GNB1: variants seen among roughly 807,000 people sequenced by gnomAD.
GNB1 encodes the protein guanine nucleotide-binding protein G(I)/G(S)/G(T) subunit beta-1.
In GNB1, 2 loss-of-function variants were observed where a neutral mutation model predicts 42.9. The ratio of observed to expected loss-of-function variants is 0.05; its 90% confidence interval spans 0.02 to 0.15. The LOEUF (loss-of-function observed/expected upper bound fraction) is 0.15, where lower values mean the gene tolerates loss of function less well. Ranked by LOEUF, GNB1 falls within the 10% of genes least tolerant of loss-of-function variation. GNB1 has a pLI of 1.00. For synonymous variants in GNB1, 183 were observed against 174.7 expected (o/e 1.05, Z -0.38); for missense variants, 193 against 462.2 (o/e 0.42, Z 5.34).
intron 6 of GNB1, among the ~76,000 whole-genome samples, chr1:1,805,146 A>G (rs904435461): frequency 2.2e-5 from 3 of 138,526 alleles, no homozygotes; most frequent in African/African-American, 8.4e-5. Context: ...TGGGCAACAG[A>G]GCGAGACTCC....
chr1:1,884,729 C>A (rs1186387681), intron 1 of GNB1, among the ~76,000 whole-genome samples: 3 of 151,474 alleles, frequency 2.0e-5, no homozygotes, highest in Non-Finnish European at 4.4e-5. Context: ...GTCGCCCAGG[C>A]TGGAGTGCAG....
intron 1 of GNB1, among the ~76,000 whole-genome samples, chr1:1,886,902 A>G (rs192985548): frequency 7.2e-5 from 11 of 152,074 alleles, no homozygotes; most frequent in Admixed American, 3.9e-4. Context: ...TTTAGTAGAG[A>G]AGGGGTTTCA....
intron 2 of GNB1, among the ~76,000 whole-genome samples, chr1:1,830,538 C>T (rs112943172): frequency 1.3e-5 from 2 of 151,918 alleles, no homozygotes; most frequent in South Asian, 2.1e-4. Context: ...AGTGAGCCAC[C>T]GCGCCCAGCC....
intron 1 of GNB1, among the ~76,000 whole-genome samples, chr1:1,873,758 C>T (rs1649375767): frequency 6.6e-6 from 1 of 152,146 alleles, no homozygotes; most frequent in African/African-American, 2.4e-5. Context: ...GCAGAGGTTA[C>T]AGTGAGCCAA....
At position 1,874,182 on chromosome 1, in the gene GNB1, G is replaced by A. The variant is rs924741054; in HGVS notation, c.-96+16638C>T. ...GACTAGCAAAGCATAAACACAACGC[G>A]CCTCCTGGCCAGGTGCGGTGGCTCA... On this transcript the variant is annotated intron_variant, in intron 1 of 11. Coordinates refer to ENST00000378609, the MANE Select transcript of GNB1 (RefSeq NM_002074.5). Among the ~76,000 whole-genome samples, 98 of 152,132 alleles carry A rather than the reference G, an allele frequency of 6.4e-4. 1 individual carries two copies. The highest frequency in any genetic ancestry group is 2.2e-3 in the African/African-American group (90 of 41,534).
In GNB1 at chr1:1,787,167, C is replaced by A. The variant is rs1357937126; in HGVS notation, c.*10-114G>T. ...GCATGAGTGTCTGCAGCTGAGGGCACGTGACTTCAGCTTTCTGTAAACGTT... is the reference window on the plus strand; with the variant it reads ...GCATGAGTGTCTGCAGCTGAGGGCAAGTGACTTCAGCTTTCTGTAAACGTT... On this transcript the variant is annotated intron_variant, in intron 11 of 11. Coordinates refer to ENST00000378609, the MANE Select transcript of GNB1 (RefSeq NM_002074.5). The surrounding 1 kb of genome is among the most constrained non-coding windows in gnomAD (Gnocchi z 4.4). The A allele has an allele frequency of 3.6e-6, 2 of 560,912 alleles. No individual in the cohort carries two copies. The highest frequency in any genetic ancestry group is 3.2e-5 in the East Asian group (1 of 31,656). The allele number at this position is 560,912 out of a possible 1,614,324, so 34.7% of individuals were successfully genotyped here.
At position 1,785,803 on chromosome 1, in the gene GNB1, CTTTTT is replaced by C. The variant is rs1163428232; in HGVS notation, c.*1255_*1259del. ...CCAACAGCAGTCGTTTGCAACAGAA[CTTTTT>C]TTTTTTTAAAGAAATAAAGAAAACA... On this transcript the variant is annotated 3_prime_UTR_variant, in exon 12 of 12. Coordinates refer to ENST00000378609, the MANE Select transcript of GNB1 (RefSeq NM_002074.5). 16 of 292,614 alleles carry C rather than the reference CTTTTT, an allele frequency of 5.5e-5. No homozygotes were observed. The East Asian group carries it at 8.4e-4, about 15-fold the overall frequency. 18.1% of individuals were successfully genotyped at this position (292,614 alleles called of 1,614,324 possible).
intron 2 of GNB1, among the ~76,000 whole-genome samples, chr1:1,829,825 G>A (rs550113716): frequency 7.2e-5 from 11 of 151,750 alleles, no homozygotes; most frequent in Middle Eastern, 3.4e-3. Flanking sequence ...TGCAACCTCC[G>A]CCTCCCGATT....
chr1:1,816,456 C>T (rs1261787304), intron 4 of GNB1, among the ~76,000 whole-genome samples: 1 of 152,064 alleles, frequency 6.6e-6, no homozygotes, highest in African/African-American at 2.4e-5. Flanking sequence ...AAGTGCTTCT[C>T]AGAATTGAAA....
intron 7 of GNB1, among the ~76,000 whole-genome samples, chr1:1,803,810 C>T (rs1646657908): frequency 6.6e-6 from 1 of 151,570 alleles, no homozygotes; most frequent in African/African-American, 2.4e-5. Flanking sequence ...AGCAAAACCC[C>T]GCCTCTACTA....
chr1:1,841,629 G>A (rs1437470124), intron 1 of GNB1, among the ~76,000 whole-genome samples: 1 of 152,156 alleles, frequency 6.6e-6, no homozygotes, highest in Non-Finnish European at 1.5e-5. Context: ...CATCTAGTCT[G>A]GAGTCAGTAG....
chr1:1,866,446 A>C (rs74046228), intron 1 of GNB1, among the ~76,000 whole-genome samples: 314 of 152,322 alleles, frequency 2.1e-3, no homozygotes, highest in African/African-American at 7.4e-3. Flanking sequence ...CCAATAAAGG[A>C]AGGCCACCTT....
At chr1:1,864,335 A>AAAAAAAAAAAAAAAAAAAAC (rs1648801210) in intron 1 of GNB1, among the ~76,000 whole-genome samples, 1 of 123,168 alleles carries the variant, frequency 8.1e-6, no homozygotes, top group African/African-American at 2.6e-5. Context: ...AAAAAAAAAA[A>AAAAAAAAAAAAAAAAAAAAC]AGAAGAAAAC....
At chr1:1,869,328 T>A (rs1649123287) in intron 1 of GNB1, among the ~76,000 whole-genome samples, 1 of 152,114 alleles carries the variant, frequency 6.6e-6, no homozygotes, top group Admixed American at 6.6e-5. Context: ...ACTACTGACT[T>A]CTATAAGAAT....
In GNB1 at chr1:1,785,893, CCA is replaced by C. The variant is rs1646399950; in HGVS notation, c.*1168_*1169del. 1 of 398,618 alleles carries C rather than the reference CCA, an allele frequency of 2.5e-6. No homozygotes were observed. The highest frequency in any genetic ancestry group is 4.4e-6 in the Non-Finnish European group (1 of 225,998). 24.7% of individuals were successfully genotyped at this position (398,618 alleles called of 1,614,324 possible). ...CGCGCTGTACTGCTTCCGATATGTG[CCA>C]CAGAGCAGCAACGAGAAGTGGACAG... On this transcript the variant is annotated 3_prime_UTR_variant, in exon 12 of 12. Transcript: ENST00000378609.
rs747120803 is a variant in GNB1 at position 1,787,332 on chromosome 1, T to C, written c.1022A>G (p.Ter341=). ...GGGCTGCTGCATTACCTACTGGCGT[T>C]AGTTCCAGATCTTGAGGAAGCTATC... ...SWDSFLKIWN[*] is the part of the protein sequence containing the mutation. The change falls in exon 11 of 12, where the codon TAA becomes TGA. Residue 341 remains the stop codon, a stop_retained_variant. Coordinates refer to ENST00000378609, the MANE Select transcript of GNB1 (RefSeq NM_002074.5). The surrounding 1 kb of genome is among the most constrained non-coding windows in gnomAD (Gnocchi z 4.4). 84 of 1,576,114 alleles carry C rather than the reference T, an allele frequency of 5.3e-5. No homozygotes were observed. Among genetic ancestry groups the C allele is most frequent in the Non-Finnish European group, 7.2e-5 (83 of 1,145,926 alleles).
intron 1 of GNB1, among the ~76,000 whole-genome samples, chr1:1,842,563 CG>C (rs1193586604): frequency 1.3e-5 from 2 of 152,108 alleles, no homozygotes; most frequent in African/African-American, 4.8e-5. Flanking sequence ...ATGAAATATC[CG>C]GAACACACAA....
At chr1:1,835,165 G>A (rs935546679) in intron 2 of GNB1, among the ~76,000 whole-genome samples, 9 of 152,184 alleles carry the variant, frequency 5.9e-5, no homozygotes, top group African/African-American at 1.2e-4. Context: ...AAAAACTTCC[G>A]TGTTTTTATT....
chr1:1,885,188 G>A (rs1053533540), intron 1 of GNB1, among the ~76,000 whole-genome samples: 4 of 151,526 alleles, frequency 2.6e-5, no homozygotes, highest in East Asian at 2.0e-4. Flanking sequence ...GGAGGCGGGC[G>A]GATCACTTGA....
Sources: allele counts gnomAD v4.1 joint callset (sites outside exome capture counted in the v4.1 genomes callset), GRCh38; gene constraint gnomAD v4.1.1; non-coding constraint Gnocchi (gnomAD v3.1); transcripts MANE v1.5; gene names NCBI Gene and HGNC (gene_info 2026-07-23, HGNC 2026-07-21).